Variants in FRMPD1 observed in about 807,000 individuals in gnomAD.
FRMPD1 encodes the protein FERM and PDZ domain containing 1.
Under a neutral mutation model 117.8 loss-of-function variants are expected in FRMPD1, and 76 were observed. That is an observed-to-expected ratio of 0.65 (90% CI 0.54 to 0.78). The LOEUF is 0.78. Among genes scored for constraint, FRMPD1 ranks in the 30% least tolerant of loss-of-function variants. FRMPD1 has a pLI of 0.00. For synonymous variants in FRMPD1, 783 were observed against 770.4 expected (o/e 1.02, Z -0.27); for missense variants, 1,786 against 1,964.5 (o/e 0.91, Z 1.72).
At chr9:37,646,027 G>C (rs1241415569), upstream of FRMPD1, among the ~76,000 whole-genome samples, 1 of 152,210 alleles carries the variant, frequency 6.6e-6, no homozygotes, top group African/African-American at 2.4e-5. Flanking sequence ...GACAGAATTA[G>C]GGTCTAGAAC....
Position 37,708,457 on chromosome 9 carries a change from G to A in FRMPD1, c.318G>A (p.Glu106=). 6.2e-7 allele frequency: 1 copy of A among 1,613,202 alleles called. No individual in the cohort carries two copies. The highest frequency in any genetic ancestry group is 1.1e-5 in the South Asian group (1 of 91,054). ...ATCAGATCCTCCAAATGAACAATGA[G>A]CCTGCTGAAGACCTTTCCTGGGAAC... ...PGDQILQMNN[E]PAEDLSWERA... The change falls in exon 4 of 16, where the codon GAG becomes GAA. Residue 106 remains glutamate (E), a synonymous_variant. Coordinates refer to ENST00000377765, the MANE Select transcript of FRMPD1 (RefSeq NM_014907.3).
intron 3 of FRMPD1, 24 bp from the exon 4 acceptor site, chr9:37,708,375 A>AATTACTTATT: frequency 7.0e-7 from 1 of 1,432,516 alleles, no homozygotes; most frequent in Non-Finnish European, 9.9e-7. Flanking sequence ...CATGAGCACC[A>AATTACTTATT]ATTACTTATT....
chr9:37,612,442 G>A, the FRMPD1 span, among the ~76,000 whole-genome samples: 3 of 151,974 alleles, frequency 2.0e-5, no homozygotes, highest in Non-Finnish European at 2.9e-5. Context: ...TCCGCTTCTC[G>A]GGTTCCAGCG....
the FRMPD1 span, among the ~76,000 whole-genome samples, chr9:37,610,475 AAAAC>A: frequency 7.5e-6 from 1 of 132,782 alleles, no homozygotes; most frequent in Non-Finnish European, 1.6e-5. Flanking sequence ...CTCTGTCAAA[AAAAC>A]AACAACAAAA....
the FRMPD1 span, among the ~76,000 whole-genome samples, chr9:37,631,012 T>C: frequency 6.6e-6 from 1 of 152,210 alleles, no homozygotes; most frequent in African/African-American, 2.4e-5. Context: ...TGTAATGTGC[T>C]AAGTGCTGTC....
chr9:37,644,586 G>A, the FRMPD1 span, among the ~76,000 whole-genome samples: 5 of 152,134 alleles, frequency 3.3e-5, no homozygotes, highest in Non-Finnish European at 5.9e-5. Flanking sequence ...GGGTAGGCAC[G>A]CTAAGGTGAT....
In FRMPD1 at chr9:37,746,194, T is replaced by A. The variant is rs1824706424; in HGVS notation, c.4162T>A (p.Cys1388Ser). The change falls in exon 16 of 16, where the codon TGC becomes AGC. Residue 1388 changes from cysteine to serine, a missense_variant. Transcript: ENST00000377765. ...LPWRPARAHSCTTAPLSRKSH... is the reference protein window; with the variant it reads ...LPWRPARAHSSTTAPLSRKSH... Reference sequence around the variant, plus strand: ...CTGGAGGCCTGCCCGAGCCCACAGCTGCACCACCGCACCCCTGTCGAGGAA... The same window carrying A: ...CTGGAGGCCTGCCCGAGCCCACAGCAGCACCACCGCACCCCTGTCGAGGAA... 2 of 1,609,742 alleles carry A rather than the reference T, an allele frequency of 1.2e-6. No homozygotes were observed. The highest frequency in any genetic ancestry group is 2.7e-5 in the African/African-American group (2 of 75,002).
chr9:37,618,548 T>C, the FRMPD1 span, among the ~76,000 whole-genome samples: 7 of 152,294 alleles, frequency 4.6e-5, no homozygotes, highest in South Asian at 1.2e-3. Context: ...AGAAGCATTT[T>C]TGAGTGGGAA....
chr9:37,699,247 T>A (rs988964797), intron 2 of FRMPD1, among the ~76,000 whole-genome samples: 1 of 152,124 alleles, frequency 6.6e-6, no homozygotes, highest in Non-Finnish European at 1.5e-5. Flanking sequence ...TTCTGTCATA[T>A]GAAGTTTAGA....
intron 2 of FRMPD1, among the ~76,000 whole-genome samples, chr9:37,698,549 C>CTTTTTTTTTTTTTTTTTTTTTT (rs531498194): frequency 1.3e-5 from 1 of 74,600 alleles, no homozygotes. Context: ...ATCTCATTAT[C>CTTTTTTTTTTTTTTTTTTTTTT]TTTTTTTTTT....
the FRMPD1 span, among the ~76,000 whole-genome samples, chr9:37,616,416 C>A: frequency 6.6e-6 from 1 of 152,316 alleles, no homozygotes; most frequent in Non-Finnish European, 1.5e-5. Context: ...TGCGCCCGGC[C>A]CACATCTGTT....
At position 37,698,815 on chromosome 9, in the gene FRMPD1, C is replaced by T. The variant is rs568582784; in HGVS notation, c.101+6073C>T. On this transcript the variant is annotated intron_variant, in intron 2 of 15. Transcript: ENST00000377765. ...GTGCAATGGTGCAACCTTGGCTCAC[C>T]GCAACCTCTGCCTCATAGGTTCAAG... Among the ~76,000 whole-genome samples the T allele has an allele frequency of 9.9e-5, 15 of 151,944 alleles. No individual in the cohort carries two copies. In the South Asian group the frequency reaches 2.3e-3, roughly 23 times the overall value.
rs1404031382 is a variant in FRMPD1 at position 37,711,395 on chromosome 9, G to A, written c.408G>A (p.Ser136=). The part of the protein sequence containing the change: ...SLSITVVRCT[S]GVPKSSFLTE... ...CAATCACAGTTGTTCGCTGCACGTC[G>A]GTAAATCTCTTTCTATGTCCTGTGT... is the stretch of plus-strand genomic sequence containing the variant. The change falls in exon 5 of 16, where the codon TCG becomes TCA. Residue 136 remains serine, a splice_region_variant and synonymous_variant. Transcript: ENST00000377765. 7.5e-6 allele frequency: 12 copies of A among 1,602,596 alleles called. No individual in the cohort carries two copies. The highest frequency in any genetic ancestry group is 4.0e-5 in the African/African-American group (3 of 74,682).
chr9:37,612,611 C>T, the FRMPD1 span, among the ~76,000 whole-genome samples: 8 of 151,482 alleles, frequency 5.3e-5, no homozygotes, highest in Non-Finnish European at 7.4e-5. Flanking sequence ...TTCTGCCTCC[C>T]GGGTTCAAGC....
chr9:37,720,104 G>A (rs754728930), intron 6 of FRMPD1, among the ~76,000 whole-genome samples: 5 of 152,136 alleles, frequency 3.3e-5, no homozygotes, highest in Non-Finnish European at 5.9e-5. Context: ...CATCTACAGA[G>A]CCCTTATTTT....
chr9:37,667,614 G>A (rs1022202070), intron 1 of FRMPD1, among the ~76,000 whole-genome samples: 2 of 151,448 alleles, frequency 1.3e-5, no homozygotes, highest in African/African-American at 4.9e-5. Flanking sequence ...GGAGGCGGAG[G>A]CAGAGGTTGC....
chr9:37,713,683 G>C lies in FRMPD1; in HGVS notation c.408+2288G>C, dbSNP rs147391984. Among the ~76,000 whole-genome samples the C allele has an allele frequency of 3.3e-4, 50 of 152,022 alleles. 1 individual carries two copies. In the East Asian group the frequency reaches 9.3e-3, roughly 28 times the overall value. ...ATATAACTATATATAGTGTGTGTGT[G>C]TATATATATGTATATAGTTTGTGAA... On this transcript the variant is annotated intron_variant, in intron 5 of 15. Coordinates refer to ENST00000377765, the MANE Select transcript of FRMPD1 (RefSeq NM_014907.3).
intron 1 of FRMPD1, among the ~76,000 whole-genome samples, chr9:37,666,022 A>G (rs1034057154): frequency 1.3e-5 from 2 of 152,172 alleles, no homozygotes; most frequent in Admixed American, 6.5e-5. Flanking sequence ...ATACATCTCC[A>G]AAGAGCTCTG....
At chr9:37,712,691 GA>G (rs1346187608) in intron 5 of FRMPD1, among the ~76,000 whole-genome samples, 6 of 152,198 alleles carry the variant, frequency 3.9e-5, no homozygotes, top group Admixed American at 3.9e-4. Context: ...ATGTGCAGTT[GA>G]AGCTACACTC....
Sources: gnomAD v4.1 joint callset for allele counts (sites outside exome capture counted in the v4.1 genomes callset) on GRCh38, gnomAD v4.1.1 for gene constraint, MANE v1.5 for transcripts, NCBI Gene and HGNC (gene_info 2026-07-23, HGNC 2026-07-21) for gene names.